The following WDR24 variants were observed in gnomAD, a reference collection of about 807,000 sequenced individuals.
WDR24 encodes the protein WD repeat domain 24.
A neutral mutation model predicts 66.7 loss-of-function variants in WDR24; 32 were observed. That is an observed-to-expected ratio of 0.48 (90% CI 0.36 to 0.64). WDR24 has a LOEUF of 0.64. Ranked by LOEUF, WDR24 falls within the 30% of genes least tolerant of loss-of-function variation. WDR24 has a pLI of 0.00. For missense variants in WDR24, 978 were observed against 1,144.1 expected (o/e 0.85, Z 2.09); for synonymous variants, 565 against 469.1 (o/e 1.20, Z -2.64).
At chr16:686,512 G>C (rs1212586253) in intron 3 of WDR24, among the ~76,000 whole-genome samples, 2 of 151,974 alleles carry the variant, frequency 1.3e-5, no homozygotes, top group South Asian at 4.2e-4. Context: ...GAGAGCTTGA[G>C]CCACACGACT....
In WDR24 at chr16:685,019, A is replaced by G; in HGVS notation, c.2177T>C (p.Met726Thr). The change falls in exon 8 of 9, where the codon ATG (methionine) becomes ACG (threonine). Residue 726 changes from methionine to threonine, a missense_variant. By Grantham distance (81) the Met-to-Thr change is moderately conservative. Coordinates refer to ENST00000293883, the MANE Select transcript of WDR24 (RefSeq NM_032259.4). Reference protein sequence around the residue: ...HVNCSHCKRPMSSRGWVCDRC... With the variant: ...HVNCSHCKRPTSSRGWVCDRC... Reference sequence around the variant, plus strand: ...GTCGCAGACCCAGCCCCGGCTGCTCATGGGCCGCTTGCAGTGGCTGCAGTT... The same window carrying G: ...GTCGCAGACCCAGCCCCGGCTGCTCGTGGGCCGCTTGCAGTGGCTGCAGTT... 2 of 1,554,352 alleles carry G rather than the reference A, an allele frequency of 1.3e-6. No homozygotes were observed. Among genetic ancestry groups the G allele is most frequent in the Non-Finnish European group, 1.7e-6 (2 of 1,151,626 alleles).
At chr16:688,659 T>C (rs1295485810) in intron 1 of WDR24, among the ~76,000 whole-genome samples, 1 of 152,202 alleles carries the variant, frequency 6.6e-6, no homozygotes, top group African/African-American at 2.4e-5. Context: ...GCTTCATACC[T>C]AGTCTCCTCC....
At position 687,147 on chromosome 16, in the gene WDR24, T is replaced by TC; in HGVS notation, c.928dup (p.Asp310GlyfsTer32). On this transcript the variant is annotated frameshift_variant, in exon 3 of 9. Transcript: ENST00000293883. LOFTEE classifies it high-confidence loss of function. Reference sequence around the variant, plus strand: ...GGAGCCAGACAGCAGGAAGGAGGGGTCGTGGGGGTGGCGCCAGGCAATTCC... The same window carrying TC: ...GGAGCCAGACAGCAGGAAGGAGGGGTCCGTGGGGGTGGCGCCAGGCAATTCC... The TC allele has an allele frequency of 6.2e-7, 1 of 1,610,168 alleles. No individual in the cohort carries two copies. Among genetic ancestry groups the TC allele is most frequent in the Non-Finnish European group, 8.5e-7 (1 of 1,179,376 alleles).
Position 685,411 on chromosome 16 carries a change from G to GC in WDR24, c.1864dup (p.Ala622GlyfsTer25), listed in dbSNP as rs1411560475. On this transcript the variant is annotated frameshift_variant, in exon 7 of 9. Coordinates refer to ENST00000293883, the MANE Select transcript of WDR24 (RefSeq NM_032259.4). LOFTEE classifies it high-confidence loss of function. ...GGGCGGCAGGCGGCTGTCGTAGAGC[G>GC]CGTGTGAGACAGACAGGAGCGAGAA... is the stretch of plus-strand genomic sequence containing the variant. 1 of 1,612,428 alleles carries GC rather than the reference G, an allele frequency of 6.2e-7. No individual in the cohort carries two copies. Among genetic ancestry groups the GC allele is most frequent in the Non-Finnish European group, 8.5e-7 (1 of 1,179,784 alleles).
At chr16:686,247 C>G (rs2039904879) in intron 3 of WDR24, 61 bp from the exon 4 acceptor site, 1 of 1,560,064 alleles carries the variant, frequency 6.4e-7, no homozygotes, top group Non-Finnish European at 8.7e-7. Context: ...ATGCAGGTCC[C>G]TCTCTGCCTG....
intron 2 of WDR24, 48 bp from the exon 3 acceptor site, chr16:687,464 G>A: frequency 6.4e-7 from 1 of 1,571,906 alleles, no homozygotes. Flanking sequence ...TTCCTGCAGA[G>A]AGGGGACCCC....
Position 684,864 on chromosome 16 carries a change from T to C in WDR24, c.2243A>G (p.His748Arg), listed in dbSNP as rs1348068431. The change falls in exon 9 of 9, where the codon CAC (histidine) becomes CGC (arginine). Residue 748 changes from histidine to arginine, a missense_variant. Physicochemically the swap from His to Arg is conservative, Grantham distance 29. This residue lies in a region of WDR24 where 676 missense variants were observed against 617.5 expected (regional missense o/e 1.09). Coordinates refer to ENST00000293883, the MANE Select transcript of WDR24 (RefSeq NM_032259.4). Reference protein sequence around the residue: ...RCASMCAVCHHVVKGLFVWCQ... With the variant: ...RCASMCAVCHRVVKGLFVWCQ... ...CCACACGAAGAGACCCTTGACTACG[T>C]GGTGGCAGACGGCACACATGCTGGC... 7.9e-7 allele frequency: 1 copy of C among 1,264,082 alleles called. No individual in the cohort carries two copies. Among genetic ancestry groups the C allele is most frequent in the East Asian group, 6.0e-5 (1 of 16,566 alleles). 78.3% of individuals were successfully genotyped at this position (1,264,082 alleles called of 1,614,324 possible). A position where few individuals can be genotyped will look rare whatever the true frequency, so the allele number is the denominator to read the frequency against.
rs2039942894 is a variant in WDR24 at position 689,409 on chromosome 16, C to T, written c.232G>A (p.Ala78Thr). The change falls in exon 1 of 9, where the codon GCT becomes ACT. Residue 78 changes from alanine (A) to threonine (T), a missense_variant. This residue lies in a region of WDR24 where 302 missense variants were observed against 526.6 expected (regional missense o/e 0.57). Transcript: ENST00000293883. Reference sequence around the variant, plus strand: ...TCCATCTGGTGCCAGACCACGTCAGCACAGCTCAGGTTAAGCGAAGGCTTG... The same window carrying T: ...TCCATCTGGTGCCAGACCACGTCAGTACAGCTCAGGTTAAGCGAAGGCTTG... ...GRKPSLNLSC[A>T]DVVWHQMDEN... 2 of 1,613,616 alleles carry T rather than the reference C, an allele frequency of 1.2e-6. No individual in the cohort carries two copies. The highest frequency in any genetic ancestry group is 1.6e-4 in the Middle Eastern group (1 of 6,084).
In WDR24 at chr16:687,190, G is replaced by A. The variant is rs1166193088; in HGVS notation, c.886C>T (p.His296Tyr). The A allele has an allele frequency of 6.2e-7, 1 of 1,612,752 alleles. No homozygotes were observed. The highest frequency in any genetic ancestry group is 1.7e-5 in the Admixed American group (1 of 60,032). The change falls in exon 3 of 9, where the codon CAC becomes TAC. Residue 296 changes from histidine (H) to tyrosine (Y), a missense_variant. Physicochemically the swap from His to Tyr is moderately conservative, Grantham distance 83 (BLOSUM62 2). Around this residue, in one of 2 missense-constraint regions of WDR24, gnomAD observed 302 missense variants for 526.6 expected, o/e 0.57. Coordinates refer to ENST00000293883, the MANE Select transcript of WDR24 (RefSeq NM_032259.4). ...GCAATTCCCGTGGTGACGTCTCGGT[G>A]TTCCTCAAACATGGCAGCTGGCACG... The part of the protein sequence containing the change: ...PFVPAAMFEE[H>Y]RDVTTGIAWR...
chr16:685,564 G>A lies in WDR24; in HGVS notation c.1712C>T (p.Ala571Val). Reference protein sequence around the residue: ...EDPECVLPQEAFPLRHEIVDT... With the variant: ...EDPECVLPQEVFPLRHEIVDT... ...CACGATCTCGTGGCGCAGCGGAAAG[G>A]CCTCCTGCGGCAGCACGCACTCAGG... The change falls in exon 7 of 9, where the codon GCC becomes GTC. Residue 571 changes from alanine to valine, a missense_variant. By Grantham distance (64) the Ala-to-Val change is moderately conservative. Around this residue, in one of 2 missense-constraint regions of WDR24, gnomAD observed 676 missense variants for 617.5 expected, o/e 1.09. Transcript: ENST00000293883. The A allele has an allele frequency of 6.3e-7, 1 of 1,588,484 alleles. No individual in the cohort carries two copies. Among genetic ancestry groups the A allele is most frequent in the Non-Finnish European group, 8.6e-7 (1 of 1,166,216 alleles).
Position 690,302 on chromosome 16 carries a change from C to A in WDR24, c.-662G>T. The A allele has an allele frequency of 4.5e-6, 2 of 447,432 alleles. No individual in the cohort carries two copies. The highest frequency in any genetic ancestry group is 1.6e-5 in the South Asian group (1 of 63,890). The allele number at this position is 447,432 out of a possible 1,614,324, so 27.7% of individuals were successfully genotyped here. On this transcript the variant is annotated 5_prime_UTR_variant, in exon 1 of 9. Transcript: ENST00000293883. ...GCGCGGGGGAGCGGACGCTGCGGGA[C>A]GAGAACCAGAGGGCCCGGGGCAGCC...
At chr16:686,276 G>C (rs1182054330) in intron 3 of WDR24, 90 bp from the exon 4 acceptor site, 2 of 1,417,400 alleles carry the variant, frequency 1.4e-6, no homozygotes, top group Non-Finnish European at 1.9e-6. Context: ...CAAGCCCTCA[G>C]CATTCAGCTG....
At position 685,182 on chromosome 16, in the gene WDR24, G is replaced by A; in HGVS notation, c.2020-6C>T. On this transcript the variant is annotated splice_region_variant and splice_polypyrimidine_tract_variant and intron_variant, in intron 7 of 8. Coordinates refer to ENST00000293883, the MANE Select transcript of WDR24 (RefSeq NM_032259.4). ...TAGGAAGTGTACCAGTGCTCCTGGG[G>A]GAGGGAGCGCCCGGCAGTCAGGATC... The A allele has an allele frequency of 1.9e-6, 3 of 1,590,612 alleles. No individual in the cohort carries two copies. Among genetic ancestry groups the A allele is most frequent in the Non-Finnish European group, 2.6e-6 (3 of 1,168,572 alleles).
rs1487737573 is a variant in WDR24 at position 686,088 on chromosome 16, A to G, written c.1431T>C (p.Cys477=). The G allele has an allele frequency of 1.2e-6, 2 of 1,613,004 alleles. No individual in the cohort carries two copies. The highest frequency in any genetic ancestry group is 1.7e-6 in the Non-Finnish European group (2 of 1,179,944). The part of the protein sequence containing the change: ...LNHSVGKGGS[C]GLPLMNSFNL... ...TCTACCTGTTCATGAGCGGGAGGCC[A>G]CAGGAGCCACCCTTGCCCACACTGT... The change falls in exon 4 of 9, where the codon TGT becomes TGC. Residue 477 remains cysteine (C), a synonymous_variant. Transcript: ENST00000293883.
Position 690,050 on chromosome 16 carries a change from G to A in WDR24, c.-410C>T. 2.1e-6 allele frequency: 1 copy of A among 473,802 alleles called. No individual in the cohort carries two copies. Among genetic ancestry groups the A allele is most frequent in the South Asian group, 1.5e-5 (1 of 64,690 alleles). 29.3% of individuals were successfully genotyped at this position (473,802 alleles called of 1,614,324 possible). On this transcript the variant is annotated 5_prime_UTR_variant, in exon 1 of 9. Transcript: ENST00000293883. ...CCAGCAGGGGAGCGAGGAGACTCCC[G>A]CCGTCCACACTGTCAGCCCTGAGGG...
At position 685,667 on chromosome 16, in the gene WDR24, A is replaced by AC. The variant is rs760142833; in HGVS notation, c.1678+11dup. ...CGCCTCTGAACCCCACCCTGCCCGG[A>AC]CCCCCACTCACGGTGCGCGTGTTCC... is the stretch of plus-strand genomic sequence containing the variant. On this transcript the variant is annotated intron_variant, in intron 6 of 8. Transcript: ENST00000293883. 6.2e-6 allele frequency: 10 copies of AC among 1,612,068 alleles called. No individual in the cohort carries two copies. The East Asian group carries it at 8.9e-5, about 14-fold the overall frequency.
rs758568260 is a variant in WDR24 at position 685,088 on chromosome 16, C to G, written c.2108G>C (p.Arg703Pro). The G allele has an allele frequency of 1.3e-6, 2 of 1,556,124 alleles. No individual in the cohort carries two copies. Among genetic ancestry groups the G allele is most frequent in the Non-Finnish European group, 1.7e-6 (2 of 1,150,910 alleles). ...SNEVVKLSTS[R>P]AVSCLNQAST... The stretch of plus-strand genomic sequence containing the variant: ...GGCCTGGTTGAGGCAGCTGACGGCG[C>G]GGCTGGTGCTCAGCTTGACCACCTC... Residue 703 changes from arginine (R) to proline (P), a missense_variant, in exon 8 of 9, where the codon CGC becomes CCC. Around this residue, in one of 2 missense-constraint regions of WDR24, gnomAD observed 676 missense variants for 617.5 expected, o/e 1.09. Transcript: ENST00000293883.
chr16:687,966 G>A, intron 1 of WDR24: 2 of 687,864 alleles, frequency 2.9e-6, no homozygotes, highest in Non-Finnish European at 5.3e-6. Flanking sequence ...CATACTCCCG[G>A]GCGTCATTTG....
At position 687,320 on chromosome 16, in the gene WDR24, G is replaced by T; in HGVS notation, c.756C>A (p.Ala252=). 1 of 1,611,140 alleles carries T rather than the reference G, an allele frequency of 6.2e-7. No homozygotes were observed. Residue 252 remains alanine (A), a synonymous_variant, in exon 3 of 9, where the codon GCC becomes GCA. Transcript: ENST00000293883. ...GCCGCCACTTCACACGGGCCACCGAGGCGATGGTCTGCACACAGTGCATCT... is the reference window on the plus strand; with the variant it reads ...GCCGCCACTTCACACGGGCCACCGATGCGATGGTCTGCACACAGTGCATCT... ...AKEMHCVQTI[A]SVARVKWRPE...
Sources: gnomAD v4.1 joint callset for allele counts (sites outside exome capture counted in the v4.1 genomes callset) on GRCh38, gnomAD v4.1.1 for gene constraint, gnomAD v4.1.1 regional missense constraint, MANE v1.5 for transcripts, NCBI Gene and HGNC (gene_info 2026-07-23, HGNC 2026-07-21) for gene names.